RBM27: variants seen among roughly 807,000 people sequenced by gnomAD.
The protein encoded by RBM27 is RNA binding motif protein 27, also known as RNA-binding protein 27.
RBM27 carries 22 observed loss-of-function variants against 135.3 expected under a neutral mutation model. The observed-to-expected ratio is 0.16, with a 90% confidence interval of 0.12 to 0.23. The LOEUF (loss-of-function observed/expected upper bound fraction) is 0.23. Ranked by LOEUF, RBM27 falls within the 10% of genes least tolerant of loss-of-function variation. The pLI, the probability that RBM27 is intolerant of heterozygous loss-of-function variation, is 1.00. For synonymous variants in RBM27, 481 were observed against 442.4 expected, an observed-to-expected ratio of 1.09 and a Z score of -1.10; for missense variants, 1,009 against 1,281.0, an observed-to-expected ratio of 0.79 and a Z score of 3.24.
At chr5:146,225,200 G>A (rs1364056120) in intron 3 of RBM27, among the ~76,000 whole-genome samples, 4 of 151,898 alleles carry the variant, frequency 2.6e-5, no homozygotes, top group Non-Finnish European at 4.4e-5. Context: ...GAGCTTAAGC[G>A]ATCCTCCTGA....
chr5:146,271,572 A>T lies in RBM27; in HGVS notation c.2886A>T (p.Gly962=). The T allele has an allele frequency of 1.9e-6, 3 of 1,613,560 alleles. No homozygotes were observed. Among genetic ancestry groups the T allele is most frequent in the Non-Finnish European group, 2.5e-6 (3 of 1,179,506 alleles). ...GAGGCCGAGGGCGTGGAGGAAGAGG[A>T]AGGGGCTCACTAAATCACATGGTGG... ...RGRGRGRGGR[G]RGSLNHMVVD... is the part of the protein sequence containing the mutation. The change falls in exon 19 of 21, where the codon GGA becomes GGT. Residue 962 remains glycine, a synonymous_variant. Coordinates refer to ENST00000265271, the MANE Select transcript of RBM27 (RefSeq NM_018989.2).
intron 19 of RBM27, among the ~76,000 whole-genome samples, chr5:146,277,494 G>T (rs1206613956): frequency 6.7e-6 from 1 of 149,748 alleles, no homozygotes; most frequent in African/African-American, 2.4e-5. Flanking sequence ...CATCATGTTA[G>T]ATTTAGCATA....
intron 8 of RBM27, among the ~76,000 whole-genome samples, chr5:146,246,736 A>G (rs1355035019): frequency 6.6e-6 from 1 of 152,164 alleles, no homozygotes; most frequent in Non-Finnish European, 1.5e-5. Context: ...CAAATACAAC[A>G]TACATAAAAG....
At chr5:146,285,844 C>A in intron 20 of RBM27, 103 bp from the exon 21 acceptor site, 2 of 743,666 alleles carry the variant, frequency 2.7e-6, no homozygotes, top group Non-Finnish European at 4.4e-6. Flanking sequence ...CTTATGAAAT[C>A]TAGCCTGGGC....
At chr5:146,247,239 C>G (rs910052987) in intron 8 of RBM27, among the ~76,000 whole-genome samples, 1 of 151,990 alleles carries the variant, frequency 6.6e-6, no homozygotes, top group Admixed American at 6.6e-5. Flanking sequence ...TAGAATAAGT[C>G]CCAAATATAG....
intron 8 of RBM27, among the ~76,000 whole-genome samples, chr5:146,243,247 CAA>C (rs1757484870): frequency 6.6e-6 from 1 of 152,002 alleles, no homozygotes; most frequent in African/African-American, 2.4e-5. Context: ...GCCTGGGCAA[CAA>C]GAGCGAAACG....
intron 3 of RBM27, among the ~76,000 whole-genome samples, chr5:146,228,116 G>C (rs1382973051): frequency 6.6e-6 from 1 of 152,052 alleles, no homozygotes; most frequent in Non-Finnish European, 1.5e-5. Context: ...TTAACAAACT[G>C]CTTGTTGAAG....
intron 14 of RBM27, 25 bp from the exon 15 acceptor site, chr5:146,267,624 C>CTTTTTTTTTTTTTTTTTTTTTTTT: frequency 9.1e-7 from 1 of 1,098,818 alleles, no homozygotes; most frequent in African/African-American, 1.7e-5. Flanking sequence ...TTTGTGTGTG[C>CTTTTTTTTTTTTTTTTTTTTTTTT]TTTTTTTTTT....
intron 1 of RBM27, among the ~76,000 whole-genome samples, chr5:146,211,009 A>G (rs1464062147): frequency 6.6e-6 from 1 of 151,982 alleles, no homozygotes; most frequent in East Asian, 1.9e-4. Flanking sequence ...TTGTGGGCTC[A>G]TGCCTGTCAT....
rs1476959020 is a variant in RBM27 at position 146,242,787 on chromosome 5, A to G, written c.1279+5355A>G. Among the ~76,000 whole-genome samples the G allele has an allele frequency of 4.0e-5, 6 of 151,768 alleles. No individual in the cohort carries two copies. In the East Asian group the frequency reaches 9.8e-4, roughly 25 times the overall value. ...TTTTTTTTGTATTTTTAGTAAAGAC[A>G]GGGTTTCACCATGTTGGCCAGGCTG... On this transcript the variant is annotated intron_variant, in intron 8 of 20. Transcript: ENST00000265271.
At position 146,211,097 on chromosome 5, in the gene RBM27, ACT is replaced by A. The variant is rs1193417459; in HGVS notation, c.59+7276_59+7277del. 2.6e-5 allele frequency among the ~76,000 whole-genome samples: 4 copies of A among 151,908 alleles called. No individual in the cohort carries two copies. The South Asian group carries it at 8.4e-4, about 32-fold the overall frequency. On this transcript the variant is annotated intron_variant, in intron 1 of 20. Coordinates refer to ENST00000265271, the MANE Select transcript of RBM27 (RefSeq NM_018989.2). ...AGACCAGCCTGGACAATGGGGCGAAACTCTGCCTCTACAAAAAAATAAAAAAA... is the reference window on the plus strand; with the variant it reads ...AGACCAGCCTGGACAATGGGGCGAAACTGCCTCTACAAAAAAATAAAAAAA...
At chr5:146,225,530 G>A (rs552943278) in intron 3 of RBM27, among the ~76,000 whole-genome samples, 3 of 151,376 alleles carry the variant, frequency 2.0e-5, no homozygotes, top group South Asian at 4.2e-4. Flanking sequence ...TTAAAGTACT[G>A]GAAATAGGAA....
intron 7 of RBM27, among the ~76,000 whole-genome samples, chr5:146,235,763 T>C (rs746453368): frequency 1.3e-5 from 2 of 152,040 alleles, no homozygotes; most frequent in African/African-American, 2.4e-5. Context: ...CACGACTCAC[T>C]GCAACCTCCG....
chr5:146,217,450 T>G (rs1175043228), intron 1 of RBM27, among the ~76,000 whole-genome samples: 2 of 151,120 alleles, frequency 1.3e-5, no homozygotes, highest in East Asian at 3.9e-4. Context: ...ATTGATACTC[T>G]TGAGCTGAAG....
rs1215756247 is a variant in RBM27 at position 146,251,581 on chromosome 5, T to C, written c.1280-130T>C. On this transcript the variant is annotated intron_variant, in intron 8 of 20. Transcript: ENST00000265271. Reference sequence around the variant, plus strand: ...TGAGTTAGAAAGAATCCCAGGAACATCTTTCTGTACTTCTATTCCTGTTGG... The same window carrying C: ...TGAGTTAGAAAGAATCCCAGGAACACCTTTCTGTACTTCTATTCCTGTTGG... 4.8e-6 allele frequency: 4 copies of C among 835,678 alleles called. No homozygotes were observed. In the East Asian group the frequency reaches 1.0e-4, roughly 22 times the overall value. The allele number at this position is 835,678 out of a possible 1,614,324, so 51.8% of individuals were successfully genotyped here.
chr5:146,276,247 ATTCTACTGTCAT>A (rs1759088517), intron 19 of RBM27, among the ~76,000 whole-genome samples: 1 of 151,940 alleles, frequency 6.6e-6, no homozygotes, highest in Non-Finnish European at 1.5e-5. Flanking sequence ...AAAATAAATT[ATTCTACTGTCAT>A]TTCAGTGGGT....
intron 19 of RBM27, 70 bp from the exon 20 acceptor site, chr5:146,284,552 A>G: frequency 1.0e-6 from 1 of 973,840 alleles, no homozygotes; most frequent in Non-Finnish European, 1.7e-6. Context: ...TTTTTAAATA[A>G]CACAGAATTT....
At chr5:146,268,060 T>C (rs994018792) in intron 15 of RBM27, among the ~76,000 whole-genome samples, 1 of 152,102 alleles carries the variant, frequency 6.6e-6, no homozygotes, top group Non-Finnish European at 1.5e-5. Context: ...ATAAGACTTT[T>C]GTAATTATTA....
At position 146,203,682 on chromosome 5, in the gene RBM27, T is replaced by G; in HGVS notation, c.-84T>G. On this transcript the variant is annotated 5_prime_UTR_variant, in exon 1 of 21. It removes the in-frame stop codon of an upstream open reading frame in the 5' UTR. Transcript: ENST00000265271. ...CGGTGGGCTGGGGCACCGGGAGCTG[T>G]GAAGGGAACGTGAGGGGGCGGCGTA... The G allele has an allele frequency of 7.7e-7, 1 of 1,302,162 alleles. No individual in the cohort carries two copies. The highest frequency in any genetic ancestry group is 2.0e-4 in the Middle Eastern group (1 of 5,088). 80.7% of individuals were successfully genotyped at this position (1,302,162 alleles called of 1,614,324 possible).
Sources: allele counts gnomAD v4.1 joint callset (sites outside exome capture counted in the v4.1 genomes callset), GRCh38; gene constraint gnomAD v4.1.1; transcripts MANE v1.5; gene names NCBI Gene and HGNC (gene_info 2026-07-23, HGNC 2026-07-21).